PLCH2: variants seen among roughly 807,000 people sequenced by gnomAD.
PLCH2 encodes the protein 1-phosphatidylinositol 4,5-bisphosphate phosphodiesterase eta-2.
Under a neutral mutation model 134.7 loss-of-function variants are expected in PLCH2, and 98 were observed. The observed-to-expected ratio is 0.73, with a 90% confidence interval of 0.62 to 0.86. PLCH2 has a LOEUF of 0.86. PLCH2 is among the 40% of genes least tolerant of loss of function. PLCH2 has a pLI of 0.00. For synonymous variants in PLCH2, 974 were observed against 827.5 expected (o/e 1.18, Z -3.04); for missense variants, 1,994 against 1,986.6 (o/e 1.00, Z -0.07).
intron 5 of PLCH2, 75 bp downstream of exon 5, chr1:2,484,693 C>A: frequency 6.6e-7 from 1 of 1,518,034 alleles, no homozygotes; most frequent in South Asian, 1.2e-5. Flanking sequence ...GAGCTTCAGT[C>A]AGGGGACAGT....
At chr1:2,419,956 G>A in the PLCH2 span, among the ~76,000 whole-genome samples, 20,131 of 147,834 alleles carry the variant, frequency 0.14, 1,698 homozygotes, top group East Asian at 0.34. Flanking sequence ...AGCATAGCAG[G>A]CCAAGTCCCC....
At chr1:2,449,118 A>T (rs976154662) in intron 2 of PLCH2, among the ~76,000 whole-genome samples, 1 of 151,260 alleles carries the variant, frequency 6.6e-6, no homozygotes, top group African/African-American at 2.4e-5. Flanking sequence ...GACGGAGGAA[A>T]ATGCAGATTC....
chr1:2,475,182 C>T (rs983612004), upstream of PLCH2, among the ~76,000 whole-genome samples: 3 of 152,210 alleles, frequency 2.0e-5, no homozygotes, highest in African/African-American at 4.8e-5. Context: ...CCACCTCCCA[C>T]GCCTGACCTT....
intron 1 of PLCH2, among the ~76,000 whole-genome samples, chr1:2,470,029 C>T (rs1641251780): frequency 6.6e-6 from 1 of 152,228 alleles, no homozygotes; most frequent in Admixed American, 6.5e-5. Context: ...CTACAGGAGG[C>T]TCTTTCAGCA....
At chr1:2,437,024 C>A (rs1186899349) in intron 2 of PLCH2, among the ~76,000 whole-genome samples, 1 of 152,214 alleles carries the variant, frequency 6.6e-6, no homozygotes, top group Non-Finnish European at 1.5e-5. Flanking sequence ...GCTTTGCTCC[C>A]AAGACCCTCC....
Position 2,503,993 on chromosome 1 carries a change from G to A in PLCH2, c.3031G>A (p.Ala1011Thr), listed in dbSNP as rs771455505. 8 of 1,479,388 alleles carry A rather than the reference G, an allele frequency of 5.4e-6. No homozygotes were observed. The highest frequency in any genetic ancestry group is 3.6e-5 in the South Asian group (3 of 82,656). The allele number at this position is 1,479,388 out of a possible 1,614,324, so 91.6% of individuals were successfully genotyped here. ...CCTGGAAACCATCGCTGAGGAGCCC[G>A]CCCCAGGCCCTGGTCCCCCGCCACC... ...CSLETIAEEPAPGPGPPPPAA... is the reference protein window; with the variant it reads ...CSLETIAEEPTPGPGPPPPAA... Residue 1011 changes from alanine to threonine, a missense_variant, in exon 22 of 22, where the codon GCC (alanine) becomes ACC (threonine). By Grantham distance (58) the Ala-to-Thr change is moderately conservative. This residue lies in a region of PLCH2 where 900 missense variants were observed against 752.3 expected (regional missense o/e 1.20). Coordinates refer to ENST00000378486, the MANE Select transcript of PLCH2 (RefSeq NM_014638.4).
At chr1:2,434,823 G>A (rs1639247358) in intron 2 of PLCH2, among the ~76,000 whole-genome samples, 4 of 152,216 alleles carry the variant, frequency 2.6e-5, no homozygotes, top group African/African-American at 9.6e-5. Flanking sequence ...GGAAATCGAG[G>A]CTCCCCGTGG....
chr1:2,435,208 G>A lies in PLCH2; in HGVS notation c.115+4579G>A, dbSNP rs146575326. Among the ~76,000 whole-genome samples the A allele has an allele frequency of 4.7e-4, 71 of 152,308 alleles. No homozygotes were observed. In the East Asian group the frequency reaches 0.013, roughly 29 times the overall value. The stretch of plus-strand genomic sequence containing the variant: ...TGTGGAAGATGGTCCCGGGGGTGAG[G>A]ACCTTTCCTCCAGGAACCCCTGTCA... On this transcript the variant is annotated intron_variant, in intron 2 of 3. Transcript: ENST00000609981.
chr1:2,505,007 A>C lies in PLCH2; in HGVS notation c.4045A>C (p.Ile1349Leu), dbSNP rs1301685771. The change falls in exon 22 of 22, where the codon ATT becomes CTT. Residue 1349 changes from isoleucine (I) to leucine (L), a missense_variant. Physicochemically the swap from Ile to Leu is conservative, Grantham distance 5. Coordinates refer to ENST00000378486, the MANE Select transcript of PLCH2 (RefSeq NM_014638.4). ...SSRSHSRVRA[I>L]ASRARQAQER... ...CCGCAGCCACAGCCGCGTGCGTGCC[A>C]TTGCCAGCCGGGCCCGCCAGGCCCA... The C allele has an allele frequency of 5.3e-5, 82 of 1,544,550 alleles. 1 individual carries two copies. Among genetic ancestry groups the C allele is most frequent in the Non-Finnish European group, 6.7e-5 (77 of 1,151,054 alleles).
upstream of PLCH2, among the ~76,000 whole-genome samples, chr1:2,474,665 A>G (rs114634746): frequency 3.9e-5 from 6 of 152,098 alleles, 1 homozygote; most frequent in Admixed American, 6.5e-5. Context: ...TCAAGGAGGG[A>G]TGGGTGAGAG....
In PLCH2 at chr1:2,444,725, A is replaced by G. The variant is rs1639860385; in HGVS notation, c.115+14096A>G. Among the ~76,000 whole-genome samples, 1 of 152,030 alleles carries G rather than the reference A, an allele frequency of 6.6e-6. No homozygotes were observed. The highest frequency in any genetic ancestry group is 1.5e-5 in the Non-Finnish European group (1 of 67,980). On this transcript the variant is annotated intron_variant, in intron 2 of 3. Coordinates refer to the PLCH2 transcript ENST00000609981. This position sits in a 1 kb window ranked among gnomAD's most constrained non-coding sequence, Gnocchi z 4.6. ...GACACTGGAGGCAGCCAAGGTGGCC[A>G]CTGATCCCCACTGTGACCACTGAGA... is the stretch of plus-strand genomic sequence containing the variant.
At chr1:2,436,952 G>A (rs898586617) in intron 2 of PLCH2, among the ~76,000 whole-genome samples, 1 of 152,230 alleles carries the variant, frequency 6.6e-6, no homozygotes, top group Non-Finnish European at 1.5e-5. Flanking sequence ...TCTGGGGCCA[G>A]GGTGCACCTT....
Position 2,446,599 on chromosome 1 carries a change from G to A in PLCH2, c.115+15970G>A, listed in dbSNP as rs1002168541. 3.9e-5 allele frequency among the ~76,000 whole-genome samples: 6 copies of A among 152,234 alleles called. No individual in the cohort carries two copies. In the East Asian group the frequency reaches 1.2e-3, roughly 29 times the overall value. ...GGCAGAGGGAGGAAGGGCTCCTGGA[G>A]ATGTCTCCGGCGGCAGCAGCTAGCC... On this transcript the variant is annotated intron_variant, in intron 2 of 3. Transcript: ENST00000609981.
chr1:2,494,186 C>T (rs542173431), intron 11 of PLCH2, among the ~76,000 whole-genome samples: 1 of 152,250 alleles, frequency 6.6e-6, no homozygotes, highest in African/African-American at 2.4e-5. Context: ...CTGCAGGGGT[C>T]AGGTGGTGGC....
upstream of PLCH2, among the ~76,000 whole-genome samples, chr1:2,472,026 G>A (rs1016325846): frequency 3.9e-5 from 6 of 152,142 alleles, no homozygotes; most frequent in Admixed American, 6.5e-5. Context: ...CAGGCCCCGG[G>A]CACTTGCCCT....
chr1:2,471,965 C>A (rs571429384), upstream of PLCH2, among the ~76,000 whole-genome samples: 1 of 152,182 alleles, frequency 6.6e-6, no homozygotes, highest in Non-Finnish European at 1.5e-5. Flanking sequence ...GAGGGCAGAG[C>A]GTCTGTCCCT....
At chr1:2,423,723 G>GCAGTA (rs200480028), upstream of PLCH2, among the ~76,000 whole-genome samples, 404 of 152,286 alleles carry the variant, frequency 2.7e-3, 13 homozygotes, top group East Asian at 0.044. Flanking sequence ...TGTTATGCAG[G>GCAGTA]ACCTGAAAGA....
chr1:2,502,407 G>C lies in PLCH2; in HGVS notation c.2957G>C (p.Arg986Pro), dbSNP rs778324197. ...GAGGGGCCCGGCAGCGGCAGCCCCCGAGGTAAGGCGCCAGCTGCGGTGGCA... is the reference window on the plus strand; with the variant it reads ...GAGGGGCCCGGCAGCGGCAGCCCCCCAGGTAAGGCGCCAGCTGCGGTGGCA... ...AQEGPGSGSP[R>P]DTRPLSTQRP... Residue 986 changes from arginine (R) to proline (P), a missense_variant and splice_region_variant, in exon 21 of 22, where the codon CGA becomes CCA. Transcript: ENST00000378486. The C allele has an allele frequency of 1.3e-6, 2 of 1,543,926 alleles. No individual in the cohort carries two copies. The highest frequency in any genetic ancestry group is 1.7e-6 in the Non-Finnish European group (2 of 1,146,030).
chr1:2,461,370 C>T (rs1640794081), intron 2 of PLCH2, among the ~76,000 whole-genome samples: 2 of 152,200 alleles, frequency 1.3e-5, no homozygotes, highest in South Asian at 2.1e-4. Context: ...GGCTGTCCTT[C>T]AGCAGGGAGG....
Sources: allele counts gnomAD v4.1 joint callset (sites outside exome capture counted in the v4.1 genomes callset), GRCh38; gene constraint gnomAD v4.1.1; regional missense constraint gnomAD v4.1.1; non-coding constraint Gnocchi (gnomAD v3.1); transcripts MANE v1.5; gene names NCBI Gene and HGNC (gene_info 2026-07-23, HGNC 2026-07-21).